GPRC5C: variants seen among roughly 807,000 people sequenced by gnomAD.
The protein encoded by GPRC5C is G protein-coupled receptor family C group 5 member C.
A neutral mutation model predicts 31.4 loss-of-function variants in GPRC5C; 22 were observed. That is an observed-to-expected ratio of 0.70 (90% CI 0.50 to 1.00). The LOEUF (loss-of-function observed/expected upper bound fraction) is 1.00. GPRC5C is among the 50% of genes least tolerant of loss of function. GPRC5C has a pLI of 0.00. For missense variants in GPRC5C, 557 were observed against 597.2 expected (o/e 0.93, Z 0.70); for synonymous variants, 249 against 257.5 (o/e 0.97, Z 0.32).
downstream of GPRC5C, chr17:74,451,057 C>T (rs542292602): frequency 3.9e-5 from 6 of 152,276 alleles, no homozygotes; most frequent in Non-Finnish European, 7.4e-5. Context: ...CTGTGGCCCC[C>T]GACCTCTCTG....
At chr17:74,442,598 C>G (rs1215165601) in intron 2 of GPRC5C, among the ~76,000 whole-genome samples, 2 of 152,186 alleles carry the variant, frequency 1.3e-5, no homozygotes, top group Non-Finnish European at 2.9e-5. Context: ...CTTAACTGCC[C>G]GGTTAACAAG....
intron 3 of GPRC5C, 108 bp from the exon 4 acceptor site, chr17:74,446,741 T>G: frequency 1.2e-6 from 1 of 847,138 alleles, no homozygotes; most frequent in Non-Finnish European, 1.9e-6. Context: ...GAGGGGGGAG[T>G]TGGGGGGGAT....
intron 1 of GPRC5C, among the ~76,000 whole-genome samples, chr17:74,434,779 T>A (rs1199242631): frequency 6.6e-6 from 1 of 151,986 alleles, no homozygotes; most frequent in Non-Finnish European, 1.5e-5. Flanking sequence ...AAAAATTAGT[T>A]GGGCATGGTG....
At position 74,447,285 on chromosome 17, in the gene GPRC5C, A is replaced by T. The variant is rs2055656388; in HGVS notation, c.*257A>T. 8.0e-7 allele frequency: 1 copy of T among 1,246,700 alleles called. No homozygotes were observed. The highest frequency in any genetic ancestry group is 1.5e-5 in the African/African-American group (1 of 65,008). The allele number at this position is 1,246,700 out of a possible 1,614,324, so 77.2% of individuals were successfully genotyped here. On this transcript the variant is annotated 3_prime_UTR_variant, in exon 4 of 4. Coordinates refer to ENST00000392627, the MANE Select transcript of GPRC5C (RefSeq NM_022036.4). ...CTCGGCGGTCACACTCCAGCCAAAT[A>T]GTGTTCTCGGGGTGGTGGCTGGGCA...
At chr17:74,441,882 C>T (rs1050784786) in intron 2 of GPRC5C, among the ~76,000 whole-genome samples, 17 of 151,868 alleles carry the variant, frequency 1.1e-4, no homozygotes, top group Non-Finnish European at 2.1e-4. Context: ...GCTGTGTGTG[C>T]GTGTCTATTA....
intron 1 of GPRC5C, chr17:74,433,601 T>A: frequency 1.1e-6 from 1 of 898,240 alleles, no homozygotes; most frequent in South Asian, 1.4e-5. Context: ...CCGATAGGAG[T>A]GGAGGCAGGA....
downstream of GPRC5C, chr17:74,450,917 T>G (rs2055707750): frequency 6.6e-6 from 1 of 152,082 alleles, no homozygotes; most frequent in African/African-American, 2.4e-5. Flanking sequence ...TCTGGAGAGG[T>G]GCCCTGTAGT....
chr17:74,446,119 G>C (rs2055630751), intron 3 of GPRC5C: 1 of 151,532 alleles, frequency 6.6e-6, no homozygotes, highest in African/African-American at 2.4e-5. Flanking sequence ...CAACTGTGAT[G>C]CTGGGGGTAT....
Position 74,439,823 on chromosome 17 carries a change from TC to T in GPRC5C, c.49del (p.Leu17CysfsTer93). The T allele has an allele frequency of 6.2e-7, 1 of 1,613,682 alleles. No homozygotes were observed. Among genetic ancestry groups the T allele is most frequent in the East Asian group, 2.2e-5 (1 of 44,874 alleles). On this transcript the variant is annotated frameshift_variant, in exon 2 of 4. Coordinates refer to ENST00000392627, the MANE Select transcript of GPRC5C (RefSeq NM_022036.4). LOFTEE classifies it high-confidence loss of function. The stretch of plus-strand genomic sequence containing the variant: ...GTGATGTGCCTGGGACTGCCTCTCT[TC>T]CTGTTCCCAGGGGCCTGGGCCCAGG... ...ALVMCLGLPL[F>X]LFPGAWAQGH... is the part of the protein sequence containing the mutation.
rs937261086 is a variant in GPRC5C at position 74,447,104 on chromosome 17, G to C, written c.*76G>C. The C allele has an allele frequency of 1.3e-6, 2 of 1,527,922 alleles. No homozygotes were observed. The highest frequency in any genetic ancestry group is 2.8e-5 in the African/African-American group (2 of 72,252). 94.6% of individuals were successfully genotyped at this position (1,527,922 alleles called of 1,614,324 possible). ...CTGGCCCCGGGCAAGGGACTCTCCAGGCTCCTCCTCCCCCTGGCAGGCCCA... is the reference window on the plus strand; with the variant it reads ...CTGGCCCCGGGCAAGGGACTCTCCACGCTCCTCCTCCCCCTGGCAGGCCCA... On this transcript the variant is annotated 3_prime_UTR_variant, in exon 4 of 4. Coordinates refer to ENST00000392627, the MANE Select transcript of GPRC5C (RefSeq NM_022036.4).
At chr17:74,448,603 T>C (rs2055677149), downstream of GPRC5C, among the ~76,000 whole-genome samples, 1 of 152,180 alleles carries the variant, frequency 6.6e-6, no homozygotes. Flanking sequence ...GGTCTTGAAC[T>C]CCTGGCCTCA....
chr17:74,443,814 G>A lies in GPRC5C; in HGVS notation c.1052-4G>A, dbSNP rs2055582514. 1.9e-6 allele frequency: 3 copies of A among 1,604,990 alleles called. No individual in the cohort carries two copies. The highest frequency in any genetic ancestry group is 2.2e-5 in the East Asian group (1 of 44,840). On this transcript the variant is annotated splice_region_variant and splice_polypyrimidine_tract_variant and intron_variant, in intron 2 of 3. Transcript: ENST00000392627. Reference sequence around the variant, plus strand: ...CTTCAAACTGTTCCTGCTTTTCCTTGTAGCTAAGAGGCCGGTGTCACCATA... The same window carrying A: ...CTTCAAACTGTTCCTGCTTTTCCTTATAGCTAAGAGGCCGGTGTCACCATA...
intron 2 of GPRC5C, among the ~76,000 whole-genome samples, chr17:74,441,066 G>A (rs151175796): frequency 6.6e-6 from 1 of 151,748 alleles, no homozygotes; most frequent in Non-Finnish European, 1.5e-5. Flanking sequence ...CTTGAGACGA[G>A]GAGTTCGAGA....
In GPRC5C at chr17:74,445,986, C is replaced by CG. The variant is rs1555634001; in HGVS notation, c.1147-863_1147-862insG. 1.9e-4 allele frequency: 3 copies of CG among 15,552 alleles called. 1 individual carries two copies. The highest frequency in any genetic ancestry group is 6.1e-4 in the Non-Finnish European group (2 of 3,286). The allele number at this position is 15,552 out of a possible 1,614,324, so 1.0% of individuals were successfully genotyped here. ...GCAGCCCTGGCAACGTAGTGAGACCCCCCCCCCCCGCCCACCATCTCTACA... is the reference window on the plus strand; with the variant it reads ...GCAGCCCTGGCAACGTAGTGAGACCCGCCCCCCCCCGCCCACCATCTCTACA... On this transcript the variant is annotated intron_variant, in intron 3 of 3. Coordinates refer to ENST00000392627, the MANE Select transcript of GPRC5C (RefSeq NM_022036.4).
At chr17:74,449,671 A>C, downstream of GPRC5C, 2 of 239,184 alleles carry the variant, frequency 8.4e-6, no homozygotes, top group Non-Finnish European at 1.7e-5. Flanking sequence ...CCTCCCCCCA[A>C]ATCATAGTCC....
At chr17:74,441,277 A>AAAAT (rs1358571630) in intron 2 of GPRC5C, among the ~76,000 whole-genome samples, 2 of 152,088 alleles carry the variant, frequency 1.3e-5, no homozygotes, top group African/African-American at 2.4e-5. Flanking sequence ...ACTCCATCTC[A>AAAAT]AAATAAATAA....
At chr17:74,444,618 T>G (rs1428983385) in intron 3 of GPRC5C, among the ~76,000 whole-genome samples, 1 of 152,060 alleles carries the variant, frequency 6.6e-6, no homozygotes, top group Non-Finnish European at 1.5e-5. Context: ...CTCCCCGCCC[T>G]CTCTGTGAGA....
At chr17:74,443,022 T>G (rs1035396306) in intron 2 of GPRC5C, 2 of 152,226 alleles carry the variant, frequency 1.3e-5, no homozygotes, top group African/African-American at 4.8e-5. Context: ...GCCCCAGCAC[T>G]TAGGAAACTC....
chr17:74,447,043 G>GACT lies in GPRC5C; in HGVS notation c.*15_*16insACT. 6.2e-7 allele frequency: 1 copy of GACT among 1,602,658 alleles called. No individual in the cohort carries two copies. Among genetic ancestry groups the GACT allele is most frequent in the Non-Finnish European group, 8.5e-7 (1 of 1,170,876 alleles). ...TGTGGGACTGAGTCAGCGGTGGCGA[G>GACT]GAGAGGCGGGCGGATTTGGGGAGGG... On this transcript the variant is annotated 3_prime_UTR_variant, in exon 4 of 4. Coordinates refer to ENST00000392627, the MANE Select transcript of GPRC5C (RefSeq NM_022036.4).
Sources: gnomAD v4.1 joint callset for allele counts (sites outside exome capture counted in the v4.1 genomes callset) on GRCh38, gnomAD v4.1.1 for gene constraint, MANE v1.5 for transcripts, NCBI Gene and HGNC (gene_info 2026-07-23, HGNC 2026-07-21) for gene names.